GRIP1: variants seen among roughly 807,000 people sequenced by gnomAD.
GRIP1 encodes glutamate receptor-interacting protein 1.
In GRIP1, 45 loss-of-function variants were observed where a neutral mutation model predicts 129.9. The ratio of observed to expected loss-of-function variants is 0.35; its 90% confidence interval spans 0.27 to 0.44. The LOEUF (loss-of-function observed/expected upper bound fraction) is 0.44, where lower values mean the gene tolerates loss of function less well. Among genes scored for constraint, GRIP1 ranks in the 20% least tolerant of loss-of-function variants. GRIP1 has a pLI of 1.00. For synonymous variants in GRIP1, 530 were observed against 520.8 expected (o/e 1.02, Z -0.24); for missense variants, 1,196 against 1,396.8 (o/e 0.86, Z 2.29).
chr12:66,699,461 A>G (rs980889798), intron 1 of GRIP1, among the ~76,000 whole-genome samples: 2 of 152,146 alleles, frequency 1.3e-5, no homozygotes, highest in Admixed American at 6.5e-5. Flanking sequence ...ATGGTAGTGA[A>G]TAAGTCTCAT....
At chr12:66,632,289 C>A (rs2030883813) in intron 1 of GRIP1, among the ~76,000 whole-genome samples, 1 of 152,076 alleles carries the variant, frequency 6.6e-6, no homozygotes, top group South Asian at 2.1e-4. Flanking sequence ...GGTCACAAGG[C>A]AAGTAGGGAA....
chr12:66,982,518 T>C (rs959138185), intron 1 of GRIP1, among the ~76,000 whole-genome samples: 1 of 152,192 alleles, frequency 6.6e-6, no homozygotes, highest in Non-Finnish European at 1.5e-5. Context: ...ATTCTGTTGC[T>C]CAGTGGGAGG....
At chr12:66,539,918 G>A (rs1284060656) in intron 3 of GRIP1, among the ~76,000 whole-genome samples, 8 of 152,122 alleles carry the variant, frequency 5.3e-5, no homozygotes, top group Non-Finnish European at 8.8e-5. Context: ...CAGGTAGCAA[G>A]ACCAATAATA....
chr12:66,381,473 T>G, intron 19 of GRIP1, among the ~76,000 whole-genome samples: 1 of 152,202 alleles, frequency 6.6e-6, no homozygotes, highest in East Asian at 1.9e-4. Flanking sequence ...TCTCAGCTTT[T>G]ATAATACAAA....
At chr12:66,978,311 CTATTCCCT>C (rs2042186847) in intron 1 of GRIP1, among the ~76,000 whole-genome samples, 1 of 152,094 alleles carries the variant, frequency 6.6e-6, no homozygotes, top group African/African-American at 2.4e-5. Context: ...CTAAAAAGCA[CTATTCCCT>C]AACATTTTTG....
intron 1 of GRIP1, among the ~76,000 whole-genome samples, chr12:66,910,579 C>A (rs1337254797): frequency 6.6e-6 from 1 of 152,088 alleles, no homozygotes; most frequent in Non-Finnish European, 1.5e-5. Flanking sequence ...TCGGTGTGAA[C>A]ATAACCACAG....
At chr12:66,448,169 T>C (rs1002014912) in intron 11 of GRIP1, among the ~76,000 whole-genome samples, 9 of 152,106 alleles carry the variant, frequency 5.9e-5, no homozygotes, top group Non-Finnish European at 1.0e-4. Context: ...CACTCTCTCA[T>C]TGGCTCCTCA....
At chr12:66,368,976 C>T (rs1324102018) in intron 23 of GRIP1, among the ~76,000 whole-genome samples, 1 of 152,134 alleles carries the variant, frequency 6.6e-6, no homozygotes, top group Admixed American at 6.5e-5. Flanking sequence ...TAAATCACTC[C>T]AATAATTCCA....
chr12:66,599,233 A>T (rs2064178070), intron 1 of GRIP1, among the ~76,000 whole-genome samples: 1 of 152,132 alleles, frequency 6.6e-6, no homozygotes, highest in Non-Finnish European at 1.5e-5. Flanking sequence ...CAAATCTTGT[A>T]TTGGTTAAAG....
chr12:66,871,601 TTCTTCA>T (rs1055476888), intron 1 of GRIP1, among the ~76,000 whole-genome samples: 1 of 152,128 alleles, frequency 6.6e-6, no homozygotes, highest in Non-Finnish European at 1.5e-5. Context: ...CATCATCATC[TTCTTCA>T]TCTTCATCAT....
At position 66,605,012 on chromosome 12, in the gene GRIP1, A is replaced by AT. The variant is rs11292583; in HGVS notation, c.56-8086dup. On this transcript the variant is annotated intron_variant, in intron 1 of 24. Transcript: ENST00000359742. ...CATTTGGAGTAATTAAGGTTTCTCC[A>AT]TTTTTTTTTAACTAATGAATATGAA... 5.6e-4 allele frequency among the ~76,000 whole-genome samples: 83 copies of AT among 149,440 alleles called. 1 individual carries two copies. The East Asian group carries it at 6.9e-3, about 12-fold the overall frequency.
At chr12:67,027,600 G>C (rs1480759482) in intron 1 of GRIP1, among the ~76,000 whole-genome samples, 1 of 152,194 alleles carries the variant, frequency 6.6e-6, no homozygotes, top group African/African-American at 2.4e-5. Context: ...GCTATGATTA[G>C]AAGCACAGAG....
chr12:66,850,229 T>C (rs2039887471), intron 1 of GRIP1, among the ~76,000 whole-genome samples: 1 of 152,116 alleles, frequency 6.6e-6, no homozygotes, highest in South Asian at 2.1e-4. Context: ...ATTGAATACA[T>C]TATTCCTCTA....
chr12:66,988,221 T>G (rs2042342328), intron 1 of GRIP1, among the ~76,000 whole-genome samples: 1 of 152,330 alleles, frequency 6.6e-6, no homozygotes, highest in African/African-American at 2.4e-5. Context: ...TAGTGCCACT[T>G]ATTCCTTGAT....
At position 66,605,331 on chromosome 12, in the gene GRIP1, A is replaced by T. The variant is rs545605865; in HGVS notation, c.56-8404T>A. Among the ~76,000 whole-genome samples the T allele has an allele frequency of 2.6e-5, 4 of 152,288 alleles. No homozygotes were observed. In the East Asian group the frequency reaches 7.7e-4, roughly 29 times the overall value. ...TCTAATGTAAACCGTAGAGAAAAAGAGGGAGCTTTCTGTTAAATCAGGGCT... is the reference window on the plus strand; with the variant it reads ...TCTAATGTAAACCGTAGAGAAAAAGTGGGAGCTTTCTGTTAAATCAGGGCT... On this transcript the variant is annotated intron_variant, in intron 1 of 24. Transcript: ENST00000359742.
chr12:66,834,888 C>T (rs1286762602), intron 1 of GRIP1, among the ~76,000 whole-genome samples: 1 of 141,618 alleles, frequency 7.1e-6, no homozygotes, highest in Non-Finnish European at 1.5e-5. Context: ...CAACTACACT[C>T]CAGCCTGGGT....
intron 2 of GRIP1, among the ~76,000 whole-genome samples, chr12:66,576,397 T>A (rs755041745): frequency 6.6e-6 from 1 of 152,368 alleles, no homozygotes; most frequent in East Asian, 1.9e-4. Flanking sequence ...CACTATTTGA[T>A]GCTTATCAAA....
upstream of GRIP1, among the ~76,000 whole-genome samples, chr12:66,805,248 C>T (rs994769382): frequency 2.2e-4 from 33 of 152,290 alleles, no homozygotes; most frequent in African/African-American, 7.0e-4. Context: ...ATAATATGCT[C>T]ACATGCTGTT....
intron 1 of GRIP1, among the ~76,000 whole-genome samples, chr12:66,821,979 A>G (rs890415122): frequency 3.9e-5 from 6 of 151,944 alleles, no homozygotes; most frequent in Middle Eastern, 3.4e-3. Context: ...ATAGGGGCCA[A>G]GTGATGGAGC....
Sources: gnomAD v4.1 joint callset for allele counts (sites outside exome capture counted in the v4.1 genomes callset) on GRCh38, gnomAD v4.1.1 for gene constraint, MANE v1.5 for transcripts, NCBI Gene and HGNC (gene_info 2026-07-23, HGNC 2026-07-21) for gene names.